The following ASTN2 variants were observed in gnomAD, a reference collection of about 807,000 sequenced individuals.
The protein encoded by ASTN2 is astrotactin-2.
A neutral mutation model predicts 139.8 loss-of-function variants in ASTN2; 54 were observed. The ratio of observed to expected loss-of-function variants is 0.39; its 90% CI spans 0.31 to 0.48. The LOEUF (loss-of-function observed/expected upper bound fraction) is 0.48. Among genes scored for constraint, ASTN2 ranks in the 20% least tolerant of loss-of-function variants. The probability of loss-of-function intolerance (pLI) is 0.95; values close to 1 mark genes in which losing one functional copy is unlikely to be tolerated. For missense variants in ASTN2, 1,565 were observed against 1,725.1 expected, an observed-to-expected ratio of 0.91 and a Z score of 1.64; for synonymous variants, 756 against 719.5, an observed-to-expected ratio of 1.05 and a Z score of -0.81.
chr9:116,453,554 A>G (rs923671264), intron 20 of ASTN2, among the ~76,000 whole-genome samples: 1 of 122,932 alleles, frequency 8.1e-6, no homozygotes, highest in East Asian at 2.8e-4. Flanking sequence ...AGATCATGCC[A>G]TTGCACTCCA....
intron 2 of ASTN2, among the ~76,000 whole-genome samples, chr9:117,215,875 C>G (rs1281804226): frequency 2.6e-5 from 4 of 152,118 alleles, no homozygotes; most frequent in African/African-American, 9.7e-5. Context: ...GGAGGAATCA[C>G]CCTTGTTGTA....
chr9:117,377,964 C>T (rs535231556), intron 1 of ASTN2, among the ~76,000 whole-genome samples: 11 of 152,152 alleles, frequency 7.2e-5, no homozygotes, highest in East Asian at 3.9e-4. Context: ...AATAAACACC[C>T]GTTACCAGTG....
chr9:117,204,432 G>A (rs1831844046), intron 3 of ASTN2, among the ~76,000 whole-genome samples: 1 of 152,162 alleles, frequency 6.6e-6, no homozygotes, highest in African/African-American at 2.4e-5. Context: ...TGCCTACTAT[G>A]AAGTGTTAGC....
chr9:116,517,336 A>C (rs1205249502), intron 19 of ASTN2, among the ~76,000 whole-genome samples: 2 of 152,224 alleles, frequency 1.3e-5, no homozygotes, highest in Non-Finnish European at 2.9e-5. Flanking sequence ...ATAACATTAC[A>C]GGACTCTTTG....
At chr9:116,491,476 T>A (rs1254004992) in intron 19 of ASTN2, among the ~76,000 whole-genome samples, 1 of 152,188 alleles carries the variant, frequency 6.6e-6, no homozygotes, top group African/African-American at 2.4e-5. Context: ...CAATTTGCAA[T>A]TGAATTCCCG....
chr9:116,515,654 A>G (rs1238844002), intron 19 of ASTN2, among the ~76,000 whole-genome samples: 1 of 152,106 alleles, frequency 6.6e-6, no homozygotes, highest in Non-Finnish European at 1.5e-5. Context: ...CTTGTCTTTT[A>G]AATGCATTTG....
chr9:116,458,349 T>C (rs1848391976), intron 20 of ASTN2, among the ~76,000 whole-genome samples: 1 of 151,838 alleles, frequency 6.6e-6, no homozygotes, highest in African/African-American at 2.4e-5. Context: ...ATATTTAAAA[T>C]AACTAAAAGA....
chr9:117,347,319 T>C (rs984012536), intron 1 of ASTN2, among the ~76,000 whole-genome samples: 37 of 152,068 alleles, frequency 2.4e-4, no homozygotes, highest in African/African-American at 8.5e-4. Flanking sequence ...CACACATAGA[T>C]GGCTGTCAAC....
At chr9:117,385,920 A>G (rs1830385402) in intron 1 of ASTN2, among the ~76,000 whole-genome samples, 1 of 152,110 alleles carries the variant, frequency 6.6e-6, no homozygotes, top group African/African-American at 2.4e-5. Flanking sequence ...GGCAGCAGGG[A>G]ATGCCCAGGA....
chr9:116,625,557 G>A (rs1465335791), intron 17 of ASTN2, among the ~76,000 whole-genome samples: 1 of 130,894 alleles, frequency 7.6e-6, no homozygotes, highest in Non-Finnish European at 1.7e-5. Context: ...TCTCCAGCAT[G>A]TCCTCTCACA....
intron 3 of ASTN2, among the ~76,000 whole-genome samples, chr9:117,177,186 C>T (rs576530497): frequency 6.6e-6 from 1 of 152,134 alleles, no homozygotes; most frequent in Non-Finnish European, 1.5e-5. Context: ...TTAGAGTGAA[C>T]TACAATGAGG....
intron 19 of ASTN2, among the ~76,000 whole-genome samples, chr9:116,533,177 A>T (rs1172064342): frequency 6.6e-6 from 1 of 151,342 alleles, no homozygotes; most frequent in South Asian, 2.1e-4. Flanking sequence ...TTATTGGTGT[A>T]TAAGAATGCT....
At chr9:117,195,962 A>C (rs1403859527) in intron 3 of ASTN2, among the ~76,000 whole-genome samples, 2 of 152,040 alleles carry the variant, frequency 1.3e-5, no homozygotes, top group Non-Finnish European at 2.9e-5. Flanking sequence ...TTGATTACCT[A>C]TTTTTTATTC....
chr9:116,952,600 G>T (rs945845277), intron 10 of ASTN2, among the ~76,000 whole-genome samples: 12 of 152,202 alleles, frequency 7.9e-5, no homozygotes, highest in Admixed American at 3.3e-4. Flanking sequence ...CATGGGCAGC[G>T]TGACATGCAG....
intron 2 of ASTN2, among the ~76,000 whole-genome samples, chr9:117,278,093 CAT>C: frequency 6.6e-6 from 1 of 152,194 alleles, no homozygotes; most frequent in East Asian, 1.9e-4. Context: ...TCATCTCTGA[CAT>C]ATGCCCAGCT....
chr9:116,893,643 C>T (rs182513331), intron 10 of ASTN2, among the ~76,000 whole-genome samples: 115 of 152,242 alleles, frequency 7.6e-4, no homozygotes, highest in African/African-American at 2.7e-3. Context: ...AGTGAGCACT[C>T]ACCAAGACAT....
intron 10 of ASTN2, among the ~76,000 whole-genome samples, chr9:116,893,104 T>C (rs1424982694): frequency 1.3e-5 from 2 of 151,954 alleles, no homozygotes; most frequent in Non-Finnish European, 2.9e-5. Context: ...CACAAGAGCA[T>C]GAGTTTTTAT....
chr9:116,761,447 C>A (rs1032679560), intron 13 of ASTN2, among the ~76,000 whole-genome samples: 22 of 152,140 alleles, frequency 1.4e-4, no homozygotes, highest in Non-Finnish European at 1.5e-4. Flanking sequence ...ATCACTCAGC[C>A]TTTCACGGAA....
intron 13 of ASTN2, among the ~76,000 whole-genome samples, chr9:116,782,695 G>A (rs1830250946): frequency 6.6e-6 from 1 of 152,136 alleles, no homozygotes; most frequent in Non-Finnish European, 1.5e-5. Flanking sequence ...GATCCGTGAT[G>A]GCTAACCCAA....
Sources: allele counts gnomAD v4.1 joint callset (sites outside exome capture counted in the v4.1 genomes callset), GRCh38; gene constraint gnomAD v4.1.1; transcripts MANE v1.5; gene names NCBI Gene and HGNC (gene_info 2026-07-23, HGNC 2026-07-21).